Variants in PPP2R1B observed in about 807,000 individuals in gnomAD.
PPP2R1B encodes serine/threonine-protein phosphatase 2A 65 kDa regulatory subunit A beta isoform.
A neutral mutation model predicts 72.7 loss-of-function variants in PPP2R1B; 58 were observed. The observed-to-expected ratio is 0.80, with a 90% CI of 0.65 to 0.99. PPP2R1B has a LOEUF of 0.99. Among genes scored for constraint, PPP2R1B ranks in the 50% least tolerant of loss-of-function variants. PPP2R1B has a pLI of 0.00. For missense variants in PPP2R1B, 695 were observed against 733.6 expected (o/e 0.95, Z 0.61); for synonymous variants, 256 against 264.6 (o/e 0.97, Z 0.32).
chr11:111,748,037 T>C (rs1555046818), intron 10 of PPP2R1B, 23 bp from the exon 11 acceptor site: 2 of 1,600,122 alleles, frequency 1.2e-6, no homozygotes, highest in Non-Finnish European at 1.7e-6. Context: ...AAGATTCCAT[T>C]AACATACATT....
At chr11:111,703,360 G>T in the PPP2R1B span, 1 of 1,614,122 alleles carries the variant, frequency 6.2e-7, no homozygotes, top group African/African-American at 1.3e-5. Flanking sequence ...CCATCGGGGA[G>T]TTTAATGAGC....
the PPP2R1B span, among the ~76,000 whole-genome samples, chr11:111,690,723 A>G: frequency 5.8e-4 from 87 of 149,246 alleles, 1 homozygote; most frequent in African/African-American, 1.9e-3. Context: ...TTGGTTTTCT[A>G]TTCCTTTAGT....
Position 111,748,019 on chromosome 11 carries a change from A to C in PPP2R1B, c.1339-5T>G. Reference sequence around the variant, plus strand: ...TTCATCAAAGAATTCCACACCCTACAGATACAGAAGATTCCATTAACATAC... The same window carrying C: ...TTCATCAAAGAATTCCACACCCTACCGATACAGAAGATTCCATTAACATAC... On this transcript the variant is annotated splice_polypyrimidine_tract_variant and splice_region_variant and intron_variant, in intron 10 of 14. Coordinates refer to ENST00000527614, the MANE Select transcript of PPP2R1B (RefSeq NM_002716.5). 1.2e-6 allele frequency: 2 copies of C among 1,611,484 alleles called. No individual in the cohort carries two copies. Among genetic ancestry groups the C allele is most frequent in the Non-Finnish European group, 1.7e-6 (2 of 1,178,842 alleles).
intron 15 of PPP2R1B, chr11:111,728,602 T>C (rs2135995612): frequency 6.6e-6 from 1 of 152,130 alleles, no homozygotes; most frequent in Non-Finnish European, 1.5e-5. Context: ...AATTTTTTTA[T>C]AGAACTTATC....
At chr11:111,737,637 G>A, downstream of PPP2R1B, 4 of 1,602,712 alleles carry the variant, frequency 2.5e-6, no homozygotes, top group Non-Finnish European at 3.4e-6. Flanking sequence ...GCCCACCTGT[G>A]CTTCCCAGCC....
chr11:111,755,590 CTTTTTT>C, intron 5 of PPP2R1B, 140 bp from the exon 6 acceptor site: 23 of 450,634 alleles, frequency 5.1e-5, no homozygotes, highest in South Asian at 1.0e-4. Flanking sequence ...ACATCTTTTT[CTTTTTT>C]TTTTTTTTTT....
At chr11:111,747,835 T>C (rs1944758372) in intron 11 of PPP2R1B, 119 bp downstream of exon 11, 1 of 841,948 alleles carries the variant, frequency 1.2e-6, no homozygotes, top group Admixed American at 3.1e-5. Context: ...ATTAGAGCCT[T>C]TCTTCATTCC....
Position 111,752,239 on chromosome 11 carries a change from T to C in PPP2R1B, c.1258A>G (p.Ile420Val), listed in dbSNP as rs781882998. 1.1e-5 allele frequency: 17 copies of C among 1,614,034 alleles called. No homozygotes were observed. In the East Asian group the frequency reaches 1.1e-4, roughly 11 times the overall value. Residue 420 changes from isoleucine to valine, a missense_variant, in exon 10 of 15, where the codon ATA (isoleucine) becomes GTA (valine). Physicochemically the swap from Ile to Val is conservative, Grantham distance 29. Coordinates refer to ENST00000527614, the MANE Select transcript of PPP2R1B (RefSeq NM_002716.5). ...TTGGCATCTTCTGCCAGCTCCACTA[T>C]GGCAGGAAGGAGAGACTGAGAGAGC... ...RQLSQSLLPA[I>V]VELAEDAKWR... is the part of the protein sequence containing the mutation.
the PPP2R1B span, among the ~76,000 whole-genome samples, chr11:111,700,304 G>T: frequency 6.6e-6 from 1 of 152,126 alleles, no homozygotes; most frequent in Non-Finnish European, 1.5e-5. Context: ...TTGTGGCTGG[G>T]CTATGTGGCC....
At chr11:111,712,286 G>T in the PPP2R1B span, 1 of 1,614,182 alleles carries the variant, frequency 6.2e-7, no homozygotes, top group Non-Finnish European at 8.5e-7. Flanking sequence ...CCTCCCCCAG[G>T]CATCCAACGT....
chr11:111,750,828 TTTTG>T (rs1440614312), intron 10 of PPP2R1B, among the ~76,000 whole-genome samples: 11 of 143,310 alleles, frequency 7.7e-5, no homozygotes, highest in African/African-American at 2.8e-4. Context: ...AAGCTTCAGT[TTTTG>T]TTTTTGTTTT....
intron 10 of PPP2R1B, among the ~76,000 whole-genome samples, chr11:111,749,594 G>C (rs1217176007): frequency 1.3e-5 from 2 of 151,986 alleles, no homozygotes; most frequent in East Asian, 1.9e-4. Flanking sequence ...CTATTTTCCG[G>C]TTTTTGTAGT....
intron 13 of PPP2R1B, 65 bp from the exon 14 acceptor site, chr11:111,742,209 A>G (rs1049883380): frequency 8.2e-7 from 1 of 1,219,374 alleles, no homozygotes; most frequent in Non-Finnish European, 1.2e-6. Context: ...TTTTTGGTGT[A>G]TATGGTTAAT....
At chr11:111,694,142 G>A in the PPP2R1B span, among the ~76,000 whole-genome samples, 1 of 152,210 alleles carries the variant, frequency 6.6e-6, no homozygotes, top group South Asian at 2.1e-4. Context: ...CTCAATACAA[G>A]GTAGCTATTA....
chr11:111,755,325 A>G lies in PPP2R1B; in HGVS notation c.813T>C (p.Val271=). 1 of 1,611,700 alleles carries G rather than the reference A, an allele frequency of 6.2e-7. No homozygotes were observed. The highest frequency in any genetic ancestry group is 8.5e-7 in the Non-Finnish European group (1 of 1,179,478). Residue 271 remains valine (V), a synonymous_variant, in exon 6 of 15, where the codon GTT becomes GTC. Transcript: ENST00000527614. Reference sequence around the variant, plus strand: ...AAAATCTGTCAGCCACCATATAGCGAACGCGCCAAGATTTATCTTCTGCTG... The same window carrying G: ...AAAATCTGTCAGCCACCATATAGCGGACGCGCCAAGATTTATCTTCTGCTG... ...RQAAEDKSWR[V]RYMVADRFSE...
chr11:111,743,326 A>G, intron 12 of PPP2R1B, 50 bp downstream of exon 12: 1 of 1,501,146 alleles, frequency 6.7e-7, no homozygotes, highest in Middle Eastern at 1.8e-4. Flanking sequence ...AGTCATGAAT[A>G]ATTTTGCTTT....
chr11:111,715,793 C>CTTTTTTTTT, the PPP2R1B span, among the ~76,000 whole-genome samples: 50 of 81,594 alleles, frequency 6.1e-4, no homozygotes, highest in African/African-American at 7.3e-4. Context: ...TCATTTTTAG[C>CTTTTTTTTT]TTTTTTTTTT....
At chr11:111,703,352 A>G in the PPP2R1B span, 13 of 1,614,178 alleles carry the variant, frequency 8.1e-6, no homozygotes, top group East Asian at 2.2e-5. Context: ...TGAGCCATCC[A>G]TCGGGGAGTT....
In PPP2R1B at chr11:111,740,925, A is replaced by G. The variant is rs1944494955; in HGVS notation, c.*671T>C. Reference sequence around the variant, plus strand: ...AGTGGTGAGCTGTTCAAATTCAGTTAGGCGTCAACATCACACATTAGCAGC... The same window carrying G: ...AGTGGTGAGCTGTTCAAATTCAGTTGGGCGTCAACATCACACATTAGCAGC... On this transcript the variant is annotated 3_prime_UTR_variant, in exon 15 of 15. Transcript: ENST00000527614. 1 of 985,498 alleles carries G rather than the reference A, an allele frequency of 1.0e-6. No homozygotes were observed. Among genetic ancestry groups the G allele is most frequent in the Non-Finnish European group, 1.2e-6 (1 of 829,954 alleles). 61.0% of individuals were successfully genotyped at this position (985,498 alleles called of 1,614,324 possible).
Sources: gnomAD v4.1 joint callset for allele counts (sites outside exome capture counted in the v4.1 genomes callset) on GRCh38, gnomAD v4.1.1 for gene constraint, MANE v1.5 for transcripts, NCBI Gene and HGNC (gene_info 2026-07-23, HGNC 2026-07-21) for gene names.